SAMD5: variants seen among roughly 807,000 people sequenced by gnomAD.
SAMD5 encodes sterile alpha motif domain-containing protein 5.
Under a neutral mutation model 11.3 loss-of-function variants are expected in SAMD5, and 13 were observed. That is an observed-to-expected ratio of 1.15 (90% CI 0.75 to 1.83). The LOEUF (loss-of-function observed/expected upper bound fraction) is 1.83. Among genes scored for constraint, SAMD5 ranks in the 40% most tolerant of loss-of-function variants. The probability of loss-of-function intolerance (pLI) is 0.00; values close to 1 mark genes in which losing one functional copy is unlikely to be tolerated. For missense variants in SAMD5, 255 were observed against 239.1 expected (o/e 1.07, Z -0.44); for synonymous variants, 129 against 111.3 (o/e 1.16, Z -1.00).
the SAMD5 span, among the ~76,000 whole-genome samples, chr6:147,800,956 T>C: frequency 6.6e-6 from 1 of 152,114 alleles, no homozygotes; most frequent in Non-Finnish European, 1.5e-5. Flanking sequence ...AAAATACATA[T>C]ACCTATAACC....
chr6:147,854,225 C>T, the SAMD5 span, among the ~76,000 whole-genome samples: 4 of 152,080 alleles, frequency 2.6e-5, no homozygotes, highest in Non-Finnish European at 5.9e-5. Context: ...AGGCTTGACA[C>T]AATCTTGGTG....
intron 1 of SAMD5, among the ~76,000 whole-genome samples, chr6:147,528,515 T>C (rs1394022692): frequency 6.6e-6 from 1 of 152,160 alleles, no homozygotes; most frequent in Non-Finnish European, 1.5e-5. Flanking sequence ...TGTAATCACC[T>C]CTTTAAAGGC....
At chr6:147,595,653 A>T (rs1027199441) in intron 1 of SAMD5, among the ~76,000 whole-genome samples, 3 of 150,036 alleles carry the variant, frequency 2.0e-5, no homozygotes, top group Non-Finnish European at 2.9e-5. Context: ...CAGCCTCCTG[A>T]GTAGCTGGGA....
chr6:147,745,962 G>A, the SAMD5 span, among the ~76,000 whole-genome samples: 23 of 152,062 alleles, frequency 1.5e-4, no homozygotes, highest in African/African-American at 5.1e-4. Context: ...GGCTGGTCTC[G>A]AACTCCTGGC....
At chr6:147,924,198 G>C in the SAMD5 span, among the ~76,000 whole-genome samples, 1 of 152,136 alleles carries the variant, frequency 6.6e-6, no homozygotes, top group South Asian at 2.1e-4. Flanking sequence ...ATGCTGAGAG[G>C]TGAACCTTAG....
chr6:147,939,830 T>G, the SAMD5 span, among the ~76,000 whole-genome samples: 1 of 151,264 alleles, frequency 6.6e-6, no homozygotes, highest in Admixed American at 6.6e-5. Context: ...TTTTAATTTT[T>G]TAGCCTTGCC....
chr6:147,515,282 G>A (rs1043439220), intron 1 of SAMD5, among the ~76,000 whole-genome samples: 1 of 149,052 alleles, frequency 6.7e-6, no homozygotes, highest in East Asian at 2.0e-4. Flanking sequence ...ATGGTGTGGG[G>A]ACTTCTGCCT....
intron 1 of SAMD5, among the ~76,000 whole-genome samples, chr6:147,532,751 A>G (rs567785491): frequency 1.3e-5 from 2 of 152,168 alleles, no homozygotes; most frequent in South Asian, 2.1e-4. Flanking sequence ...TCCCACCCAC[A>G]GTATCAAAGT....
At chr6:147,778,056 G>A in the SAMD5 span, among the ~76,000 whole-genome samples, 4 of 152,118 alleles carry the variant, frequency 2.6e-5, no homozygotes, top group Non-Finnish European at 4.4e-5. Flanking sequence ...ACTGTTTTCC[G>A]CAGTTACTTT....
chr6:147,638,316 G>A (rs1790261914), intron 1 of SAMD5, among the ~76,000 whole-genome samples: 2 of 152,124 alleles, frequency 1.3e-5, no homozygotes, highest in African/African-American at 4.8e-5. Context: ...CTAAACTACT[G>A]AAATTTTTCC....
the SAMD5 span, among the ~76,000 whole-genome samples, chr6:147,929,739 G>C: frequency 6.6e-6 from 1 of 152,158 alleles, no homozygotes; most frequent in Non-Finnish European, 1.5e-5. Flanking sequence ...CTGTTGATGG[G>C]ATTTTCTGAA....
At chr6:147,690,673 A>G (rs1286107067) in intron 1 of SAMD5, among the ~76,000 whole-genome samples, 1 of 152,104 alleles carries the variant, frequency 6.6e-6, no homozygotes, top group East Asian at 1.9e-4. Flanking sequence ...AATAAATCCC[A>G]TTTCTAGAAC....
chr6:147,631,848 T>A (rs960108014), intron 1 of SAMD5, among the ~76,000 whole-genome samples: 4 of 152,158 alleles, frequency 2.6e-5, no homozygotes, highest in Admixed American at 2.6e-4. Context: ...GATGGAACAC[T>A]GAGAAGTGAT....
the SAMD5 span, among the ~76,000 whole-genome samples, chr6:147,945,353 A>G: frequency 6.6e-6 from 1 of 152,152 alleles, no homozygotes; most frequent in Non-Finnish European, 1.5e-5. Context: ...GCTGCCTTAT[A>G]TTTTATTATT....
At chr6:147,545,073 A>G (rs1269712072) in intron 1 of SAMD5, among the ~76,000 whole-genome samples, 1 of 152,224 alleles carries the variant, frequency 6.6e-6, no homozygotes, top group Admixed American at 6.5e-5. Context: ...CAGTAATTAC[A>G]GAGATTTGCT....
the SAMD5 span, among the ~76,000 whole-genome samples, chr6:147,801,306 T>C: frequency 6.6e-6 from 1 of 152,148 alleles, no homozygotes; most frequent in Admixed American, 6.5e-5. Flanking sequence ...TATTTTTTTT[T>C]AGTTTGTTCC....
At chr6:147,814,867 GT>G in the SAMD5 span, among the ~76,000 whole-genome samples, 2 of 152,138 alleles carry the variant, frequency 1.3e-5, no homozygotes, top group African/African-American at 2.4e-5. Flanking sequence ...AGGAATGGAG[GT>G]TTTAAACATT....
intron 1 of SAMD5, among the ~76,000 whole-genome samples, chr6:147,644,676 A>G (rs917239213): frequency 6.6e-6 from 1 of 152,202 alleles, no homozygotes; most frequent in African/African-American, 2.4e-5. Flanking sequence ...TTGATTGAAA[A>G]CATTGATTTT....
At chr6:147,573,943 T>G (rs1218213591), downstream of SAMD5, among the ~76,000 whole-genome samples, 6 of 151,854 alleles carry the variant, frequency 4.0e-5, no homozygotes, top group East Asian at 1.2e-3. Flanking sequence ...GCCAACGTGG[T>G]GAAACCCCAT....
Sources: allele counts gnomAD v4.1 joint callset (sites outside exome capture counted in the v4.1 genomes callset), GRCh38; gene constraint gnomAD v4.1.1; transcripts MANE v1.5; gene names NCBI Gene and HGNC (gene_info 2026-07-23, HGNC 2026-07-21).